COG5: variants seen among roughly 807,000 people sequenced by gnomAD.
COG5 encodes the protein conserved oligomeric Golgi complex subunit 5.
Under a neutral mutation model 110.4 loss-of-function variants are expected in COG5, and 86 were observed. The ratio of observed to expected loss-of-function variants is 0.78; its 90% confidence interval spans 0.65 to 0.93. The LOEUF (loss-of-function observed/expected upper bound fraction) is 0.93, where lower values mean the gene tolerates loss of function less well. COG5 is among the 40% of genes least tolerant of loss of function. COG5 has a pLI of 0.00. For synonymous variants in COG5, 360 were observed against 334.6 expected (o/e 1.08, Z -0.83); for missense variants, 1,077 against 987.0 (o/e 1.09, Z -1.22).
intron 6 of COG5, among the ~76,000 whole-genome samples, chr7:107,434,719 C>G (rs1357697445): frequency 6.6e-6 from 1 of 151,934 alleles, no homozygotes; most frequent in Non-Finnish European, 1.5e-5. Context: ...GCCTGTAATC[C>G]CAGCACTTTG....
chr7:107,451,474 T>C (rs188167790), intron 6 of COG5, among the ~76,000 whole-genome samples: 1 of 152,254 alleles, frequency 6.6e-6, no homozygotes, highest in East Asian at 1.9e-4. Context: ...ATTGGTACCA[T>C]ACAGAAACAT....
chr7:107,338,513 C>T (rs1810901594), intron 10 of COG5, among the ~76,000 whole-genome samples: 1 of 152,092 alleles, frequency 6.6e-6, no homozygotes, highest in Non-Finnish European at 1.5e-5. Context: ...AAAGATTAGA[C>T]TTAAACATAA....
rs1175738604 is a variant in COG5, at chr7:107,211,230, A to G, written c.2169-5T>C. The G allele has an allele frequency of 4.3e-6, 7 of 1,613,906 alleles. No individual in the cohort carries two copies. The highest frequency in any genetic ancestry group is 1.3e-5 in the African/African-American group (1 of 75,036). Reference sequence around the variant, plus strand: ...CTTGCCTGGAAGAGCAGAGGTCTAGACGGGAAAAACAGAAGTTATTTCACA... The same window carrying G: ...CTTGCCTGGAAGAGCAGAGGTCTAGGCGGGAAAAACAGAAGTTATTTCACA... On this transcript the variant is annotated splice_polypyrimidine_tract_variant and splice_region_variant and intron_variant, in intron 19 of 21. Coordinates refer to ENST00000297135, the MANE Select transcript of COG5 (RefSeq NM_006348.5).
chr7:107,477,663 T>C (rs1316208870), intron 6 of COG5, among the ~76,000 whole-genome samples: 1 of 151,782 alleles, frequency 6.6e-6, no homozygotes, highest in Non-Finnish European at 1.5e-5. Flanking sequence ...ATCAGAAAAC[T>C]TCTAACAGCT....
At chr7:107,212,633 T>C (rs1799262635) in intron 19 of COG5, among the ~76,000 whole-genome samples, 1 of 152,220 alleles carries the variant, frequency 6.6e-6, no homozygotes, top group South Asian at 2.1e-4. Flanking sequence ...TTTAAAGCTT[T>C]ATAGAGGGTG....
At chr7:107,238,787 G>A (rs947760520) in intron 17 of COG5, among the ~76,000 whole-genome samples, 3 of 152,120 alleles carry the variant, frequency 2.0e-5, no homozygotes, top group Non-Finnish European at 4.4e-5. Context: ...CTGGCCATTT[G>A]TATGTCTTCT....
intron 10 of COG5, among the ~76,000 whole-genome samples, chr7:107,358,134 T>C (rs1460083060): frequency 1.3e-5 from 2 of 152,232 alleles, no homozygotes; most frequent in African/African-American, 4.8e-5. Context: ...CTTTTGATAT[T>C]TTCCTTAGAT....
At chr7:107,494,248 C>G (rs1563065487) in intron 6 of COG5, among the ~76,000 whole-genome samples, 1 of 152,088 alleles carries the variant, frequency 6.6e-6, no homozygotes. Flanking sequence ...GAGAAACAGG[C>G]AAATACAAAT....
rs557065793 is a variant in COG5 at position 107,265,376 on chromosome 7, C to G, written c.1576-6993G>C. On this transcript the variant is annotated intron_variant, in intron 14 of 21. Coordinates refer to ENST00000297135, the MANE Select transcript of COG5 (RefSeq NM_006348.5). ...TTCACTGCAGCCTCGACCTCCTGAT[C>G]AAGTGATCCTCCCATCTCAGCTTCC... is the stretch of plus-strand genomic sequence containing the variant. Among the ~76,000 whole-genome samples, 155 of 152,272 alleles carry G rather than the reference C, an allele frequency of 1.0e-3. 1 individual carries two copies. The highest frequency in any genetic ancestry group is 3.4e-3 in the Middle Eastern group (1 of 294).
intron 6 of COG5, among the ~76,000 whole-genome samples, chr7:107,451,733 T>C (rs937042511): frequency 6.6e-6 from 1 of 152,220 alleles, no homozygotes; most frequent in African/African-American, 2.4e-5. Context: ...ATACTTTCTC[T>C]TTCTTATCAT....
rs768438434 is a variant in COG5, at chr7:107,563,877, C to G, written c.20G>C (p.Ser7Thr). The G allele has an allele frequency of 1.2e-6, 2 of 1,613,632 alleles. No individual in the cohort carries two copies. The highest frequency in any genetic ancestry group is 1.3e-5 in the African/African-American group (1 of 75,066). Residue 7 changes from serine (S) to threonine (T), a missense_variant, in exon 1 of 22, where the codon AGC becomes ACC. Physicochemically the swap from Ser to Thr is moderately conservative, Grantham distance 58. Coordinates refer to ENST00000297135, the MANE Select transcript of COG5 (RefSeq NM_006348.5). MEGGGG[S>T]VAVAGLGARG... ...AGCTCCGAGGCCAGCTACAGCGACG[C>G]TGCCGCCGCCACCTTCCATGTTGGC...
intron 6 of COG5, among the ~76,000 whole-genome samples, chr7:107,420,616 A>G (rs1793216410): frequency 6.6e-6 from 1 of 152,072 alleles, no homozygotes; most frequent in African/African-American, 2.4e-5. Context: ...GTGTGCAACC[A>G]CGCCTGGCTA....
At chr7:107,278,502 T>C (rs146207168) in intron 14 of COG5, among the ~76,000 whole-genome samples, 1,594 of 152,266 alleles carry the variant, frequency 0.01, 12 homozygotes, top group Non-Finnish European at 0.016. Context: ...CTCCCACTTA[T>C]GGGTGAGAAT....
At chr7:107,335,433 G>A (rs1048197463) in intron 10 of COG5, among the ~76,000 whole-genome samples, 3 of 152,006 alleles carry the variant, frequency 2.0e-5, no homozygotes, top group Non-Finnish European at 2.9e-5. Context: ...TTTTTTGTAA[G>A]CCTCATAATA....
intron 6 of COG5, among the ~76,000 whole-genome samples, chr7:107,480,126 T>TA: frequency 6.6e-6 from 1 of 152,186 alleles, no homozygotes; most frequent in East Asian, 1.9e-4. Flanking sequence ...TCTGTCCATT[T>TA]AAGTGGCTTC....
In COG5 at chr7:107,209,791, A is replaced by G. The variant is rs918266680; in HGVS notation, c.2375+735T>C. 5 of 982,432 alleles carry G rather than the reference A, an allele frequency of 5.1e-6. No homozygotes were observed. The African/African-American group carries it at 8.7e-5, about 17-fold the overall frequency. 60.9% of individuals were successfully genotyped at this position (982,432 alleles called of 1,614,324 possible). A position where few individuals can be genotyped will look rare whatever the true frequency, so the allele number is the denominator to read the frequency against. On this transcript the variant is annotated intron_variant, in intron 21 of 21. Transcript: ENST00000297135. Reference sequence around the variant, plus strand: ...TAAAATGTGAGCTCAGCATCAATAAAAATGTGCTGAGTCCCAGTTTATGAG... The same window carrying G: ...TAAAATGTGAGCTCAGCATCAATAAGAATGTGCTGAGTCCCAGTTTATGAG...
intron 7 of COG5, among the ~76,000 whole-genome samples, chr7:107,379,345 A>G (rs1320449543): frequency 1.3e-5 from 2 of 152,238 alleles, no homozygotes; most frequent in Non-Finnish European, 2.9e-5. Flanking sequence ...CACGGACACT[A>G]TGGAGAAACT....
chr7:107,247,336 G>A (rs1461834120), intron 17 of COG5, among the ~76,000 whole-genome samples: 2 of 152,120 alleles, frequency 1.3e-5, no homozygotes, highest in African/African-American at 2.4e-5. Context: ...GTTTACCTAT[G>A]TAACAACCCT....
intron 3 of COG5, among the ~76,000 whole-genome samples, chr7:107,551,081 C>T (rs557252514): frequency 4.0e-5 from 6 of 149,700 alleles, no homozygotes; most frequent in South Asian, 4.3e-4. Flanking sequence ...CTCGCTCTGT[C>T]GCCCAGGCTG....
Sources: gnomAD v4.1 joint callset for allele counts (sites outside exome capture counted in the v4.1 genomes callset) on GRCh38, gnomAD v4.1.1 for gene constraint, MANE v1.5 for transcripts, NCBI Gene and HGNC (gene_info 2026-07-23, HGNC 2026-07-21) for gene names.